CCSER2: variants seen among roughly 807,000 people sequenced by gnomAD.
CCSER2 encodes the protein coiled-coil serine rich protein 2.
Under a neutral mutation model 92.3 loss-of-function variants are expected in CCSER2, and 46 were observed. The observed-to-expected ratio is 0.50, with a 90% confidence interval of 0.39 to 0.64. The LOEUF (loss-of-function observed/expected upper bound fraction) is 0.64, where lower values mean the gene tolerates loss of function less well. CCSER2 is among the 30% of genes least tolerant of loss of function. The pLI, the probability that CCSER2 is intolerant of heterozygous loss-of-function variation, is 0.00. For missense variants in CCSER2, 1,244 were observed against 1,238.9 expected, an observed-to-expected ratio of 1.00 and a Z score of -0.06; for synonymous variants, 433 against 431.4, an observed-to-expected ratio of 1.00 and a Z score of -0.04.
chr10:84,417,902 G>A (rs1842958747), intron 4 of CCSER2, 41 bp downstream of exon 4: 1 of 974,830 alleles, frequency 1.0e-6, no homozygotes, highest in Non-Finnish European at 1.7e-6. Context: ...GTATATACTT[G>A]AGCTACTCGA....
chr10:84,432,680 TTC>T (rs1234552679), intron 5 of CCSER2, among the ~76,000 whole-genome samples: 1 of 152,244 alleles, frequency 6.6e-6, no homozygotes, highest in Non-Finnish European at 1.5e-5. Context: ...CGGTGGCTTA[TTC>T]TCTTGATAGT....
chr10:84,332,432 A>ATTT (rs1461942069), intron 1 of CCSER2, among the ~76,000 whole-genome samples: 841 of 73,144 alleles, frequency 0.011, 46 homozygotes, highest in South Asian at 0.029. Flanking sequence ...ATATATATAT[A>ATTT]TATATTTTTT....
chr10:84,495,965 T>C, intron 9 of CCSER2, among the ~76,000 whole-genome samples: 1 of 125,930 alleles, frequency 7.9e-6, no homozygotes, highest in East Asian at 2.7e-4. Context: ...CCATTTTATT[T>C]TTTTCTTTTT....
intron 6 of CCSER2, among the ~76,000 whole-genome samples, chr10:84,447,976 A>G (rs989439534): frequency 7.9e-5 from 12 of 152,042 alleles, no homozygotes; most frequent in Non-Finnish European, 5.9e-5. Context: ...TTATCCTGCT[A>G]AGATTCTGAA....
At chr10:84,435,955 CAA>C (rs138213925) in intron 5 of CCSER2, among the ~76,000 whole-genome samples, 8,841 of 152,024 alleles carry the variant, frequency 0.058, 365 homozygotes, top group Admixed American at 0.1. Context: ...GAGAGACTGA[CAA>C]AGACTACTCA....
At chr10:84,457,571 TATTTATATATTATATATAATTA>T (rs1845818994) in intron 6 of CCSER2, among the ~76,000 whole-genome samples, 1 of 10,630 alleles carries the variant, frequency 9.4e-5, no homozygotes, top group Non-Finnish European at 1.9e-4. Context: ...TATAAATTTA[TATTTATATATTATATATAATTA>T]TATATTTATA....
chr10:84,453,941 G>A (rs1845446085), intron 6 of CCSER2, among the ~76,000 whole-genome samples: 1 of 151,942 alleles, frequency 6.6e-6, no homozygotes. Context: ...GATTTATCTG[G>A]TGTTTCTCTC....
At chr10:84,457,320 A>ATATAT (rs1564685032) in intron 6 of CCSER2, among the ~76,000 whole-genome samples, 2 of 80,660 alleles carry the variant, frequency 2.5e-5, no homozygotes, top group East Asian at 3.2e-4. Flanking sequence ...TATATAATAT[A>ATATAT]TTATATATAA....
Position 84,513,735 on chromosome 10 carries a change from A to T in CCSER2, c.2612A>T (p.Tyr871Phe). 6.5e-7 allele frequency: 1 copy of T among 1,537,672 alleles called. No individual in the cohort carries two copies. The change falls in exon 10 of 10, where the codon TAT becomes TTT. Residue 871 changes from tyrosine (Y) to phenylalanine (F), a missense_variant. Transcript: ENST00000372088. Reference sequence around the variant, plus strand: ...ATTACTGTAAATGCTCAAGAGCCTTATCATTTGGCAAACAATCAAATTAGT... The same window carrying T: ...ATTACTGTAAATGCTCAAGAGCCTTTTCATTTGGCAAACAATCAAATTAGT... The part of the protein sequence containing the change: ...LNITVNAQEP[Y>F]HLANNQISDM...
intron 9 of CCSER2, among the ~76,000 whole-genome samples, chr10:84,480,808 A>T (rs866538321): frequency 6.6e-6 from 1 of 152,208 alleles, no homozygotes; most frequent in Admixed American, 6.5e-5. Flanking sequence ...GCCATCTGTC[A>T]TCTCTATTTA....
chr10:84,417,201 A>C (rs1248786471), intron 3 of CCSER2, among the ~76,000 whole-genome samples: 3 of 152,236 alleles, frequency 2.0e-5, no homozygotes, highest in African/African-American at 7.2e-5. Flanking sequence ...TAAGGTTGCA[A>C]ATAAAAGCCA....
intron 2 of CCSER2, 83 bp from the exon 3 acceptor site, chr10:84,373,536 A>T: frequency 9.6e-7 from 1 of 1,040,022 alleles, no homozygotes; most frequent in African/African-American, 1.6e-5. Context: ...TTGCTATGAT[A>T]TATCAAATTA....
In CCSER2 at chr10:84,396,825, C is replaced by T. The variant is rs1841869135; in HGVS notation, c.1615-20946C>T. Among the ~76,000 whole-genome samples, 4 of 152,082 alleles carry T rather than the reference C, an allele frequency of 2.6e-5. No individual in the cohort carries two copies. In the South Asian group the frequency reaches 8.3e-4, roughly 32 times the overall value. ...GTGTCGGGATTACAGGCGTGAGCCA[C>T]CACACCTGGCCGAGATCATCCTTAT... On this transcript the variant is annotated intron_variant, in intron 3 of 9. Transcript: ENST00000372088.
At chr10:84,389,537 G>A (rs527424213) in intron 3 of CCSER2, 38 of 279,758 alleles carry the variant, frequency 1.4e-4, no homozygotes, top group South Asian at 1.2e-3. Context: ...CGATCTTGGG[G>A]GCCAGTGCAG....
intron 3 of CCSER2, among the ~76,000 whole-genome samples, chr10:84,399,949 T>A (rs969304838): frequency 1.3e-5 from 2 of 152,060 alleles, no homozygotes; most frequent in African/African-American, 4.8e-5. Context: ...TACTGGGCGT[T>A]AAGTGGTATT....
Position 84,378,354 on chromosome 10 carries a change from C to T in CCSER2, c.1614+4539C>T, listed in dbSNP as rs983390121. On this transcript the variant is annotated intron_variant, in intron 3 of 9. Transcript: ENST00000372088. ...CATTCTTAGAATACATTCACTTGGT[C>T]GTGATGTATTATCTTTTCAAATGTT... 3.9e-4 allele frequency among the ~76,000 whole-genome samples: 59 copies of T among 150,092 alleles called. 2 individuals carry two copies. Among genetic ancestry groups the T allele is most frequent in the Admixed American group, 3.7e-3 (56 of 15,080 alleles).
At chr10:84,432,009 T>C (rs1463597837) in intron 5 of CCSER2, among the ~76,000 whole-genome samples, 2 of 152,214 alleles carry the variant, frequency 1.3e-5, no homozygotes, top group African/African-American at 4.8e-5. Context: ...TTTACCCTTT[T>C]GCGTTTCCAC....
At chr10:84,501,734 C>A (rs927153928) in intron 9 of CCSER2, among the ~76,000 whole-genome samples, 2 of 132,552 alleles carry the variant, frequency 1.5e-5, no homozygotes, top group South Asian at 2.5e-4. Flanking sequence ...TTTTTTTAAA[C>A]CTTTCTAGAT....
At chr10:84,421,714 C>T (rs1427575747) in intron 4 of CCSER2, among the ~76,000 whole-genome samples, 1 of 152,078 alleles carries the variant, frequency 6.6e-6, no homozygotes. Flanking sequence ...TCATGACTGA[C>T]ACACCTATAA....
Sources: allele counts gnomAD v4.1 joint callset (sites outside exome capture counted in the v4.1 genomes callset), GRCh38; gene constraint gnomAD v4.1.1; transcripts MANE v1.5; gene names NCBI Gene and HGNC (gene_info 2026-07-23, HGNC 2026-07-21).